The following STRBP variants were observed in gnomAD, a reference collection of about 807,000 sequenced individuals.
STRBP encodes spermatid perinuclear RNA binding protein, also known as spermatid perinuclear RNA-binding protein.
STRBP carries 13 observed loss-of-function variants against 80.1 expected under a neutral mutation model. That is an observed-to-expected ratio of 0.16 (90% CI 0.11 to 0.26). STRBP has a LOEUF of 0.26. Ranked by LOEUF, STRBP falls within the 10% of genes least tolerant of loss-of-function variation. STRBP has a pLI of 1.00. For synonymous variants in STRBP, 284 were observed against 291.2 expected (o/e 0.98, Z 0.25); for missense variants, 485 against 815.2 (o/e 0.59, Z 4.93).
intron 17 of STRBP, 125 bp downstream of exon 17, chr9:123,132,718 TTC>T: frequency 2.3e-6 from 3 of 1,314,606 alleles, no homozygotes; most frequent in South Asian, 1.6e-5. Flanking sequence ...ACTTTTAAAT[TTC>T]TGTGTACATT....
chr9:123,158,636 T>C (rs1486230020), intron 9 of STRBP, among the ~76,000 whole-genome samples: 3 of 152,312 alleles, frequency 2.0e-5, no homozygotes, highest in East Asian at 3.9e-4. Flanking sequence ...TATTTTATAC[T>C]GGAAGTCACT....
intron 11 of STRBP, among the ~76,000 whole-genome samples, chr9:123,151,743 A>G (rs2037066036): frequency 6.6e-6 from 1 of 152,188 alleles, no homozygotes; most frequent in Non-Finnish European, 1.5e-5. Context: ...TGAAAAATCA[A>G]TGATGTATTC....
At chr9:123,213,192 C>G (rs1384661484) in intron 2 of STRBP, among the ~76,000 whole-genome samples, 1 of 152,160 alleles carries the variant, frequency 6.6e-6, no homozygotes, top group African/African-American at 2.4e-5. Context: ...GGGAAGATTA[C>G]CCTTCCAACC....
At chr9:123,130,593 C>T (rs1354998866) in intron 17 of STRBP, among the ~76,000 whole-genome samples, 4 of 152,186 alleles carry the variant, frequency 2.6e-5, no homozygotes, top group Non-Finnish European at 5.9e-5. Flanking sequence ...AAAGATAGTT[C>T]ATCTCTATAA....
In STRBP at chr9:123,139,552, T is replaced by G. The variant is rs374650088; in HGVS notation, c.1474A>C (p.Thr492Pro). 6 of 1,611,668 alleles carry G rather than the reference T, an allele frequency of 3.7e-6. No individual in the cohort carries two copies. In the South Asian group the frequency reaches 6.6e-5, roughly 18 times the overall value. ...ACCTCTAAGGTACTGGAGGTTTCAGTTGTAGAATTTCCAGTATTATTGCTT... is the reference window on the plus strand; with the variant it reads ...ACCTCTAAGGTACTGGAGGTTTCAGGTGTAGAATTTCCAGTATTATTGCTT... The part of the protein sequence containing the change: ...NSSNNTGNST[T>P]ETSSTLEVRT... Residue 492 changes from threonine to proline, a missense_variant, in exon 14 of 19, where the codon ACT becomes CCT. Around this residue, in one of 3 missense-constraint regions of STRBP, gnomAD observed 377 missense variants for 616.1 expected, o/e 0.61. Coordinates refer to ENST00000348403, the MANE Select transcript of STRBP (RefSeq NM_018387.5).
chr9:123,236,609 A>AT lies in STRBP; in HGVS notation c.-165+220dup, dbSNP rs1441199632. On this transcript the variant is annotated intron_variant, in intron 2 of 18. Transcript: ENST00000348403. ...GTGATATTAGACACCCTAAGAAAGG[A>AT]TACAAGAGTAGTGACCACAGTAAAT... Among the ~76,000 whole-genome samples, 3 of 152,154 alleles carry AT rather than the reference A, an allele frequency of 2.0e-5. No individual in the cohort carries two copies. In the East Asian group the frequency reaches 5.8e-4, roughly 29 times the overall value.
intron 2 of STRBP, chr9:123,214,000 A>G (rs1238198803): frequency 6.6e-6 from 1 of 152,056 alleles, no homozygotes; most frequent in African/African-American, 2.4e-5. Flanking sequence ...ATCAACCCAG[A>G]GGAAAAGAAG....
At chr9:123,265,632 C>T (rs894431578) in intron 1 of STRBP, among the ~76,000 whole-genome samples, 1 of 152,152 alleles carries the variant, frequency 6.6e-6, no homozygotes, top group African/African-American at 2.4e-5. Flanking sequence ...TAACACAAGC[C>T]ACAGAACAGT....
intron 1 of STRBP, among the ~76,000 whole-genome samples, chr9:123,264,171 G>C (rs112159757): frequency 2.0e-5 from 3 of 152,286 alleles, no homozygotes; most frequent in African/African-American, 7.2e-5. Context: ...GAGCGCCACT[G>C]CATTCCCCAC....
intron 2 of STRBP, among the ~76,000 whole-genome samples, chr9:123,199,239 G>A (rs1245191268): frequency 6.6e-6 from 1 of 152,208 alleles, no homozygotes; most frequent in Non-Finnish European, 1.5e-5. Context: ...CAGCCTATGT[G>A]CCTACTTTTA....
In STRBP at chr9:123,262,939, C is replaced by G. The variant is rs186311853; in HGVS notation, c.-302+5497G>C. 4.6e-3 allele frequency among the ~76,000 whole-genome samples: 703 copies of G among 152,332 alleles called. 3 individuals carry two copies. Among genetic ancestry groups the G allele is most frequent in the South Asian group, 7.2e-3 (35 of 4,832 alleles). ...CCTAATTATCTACATCACCATTAAT[C>G]TGGCCTTATTTACTTTACTTCTATT... On this transcript the variant is annotated intron_variant, in intron 1 of 18. Transcript: ENST00000348403.
At chr9:123,156,734 G>T (rs1012839827) in intron 11 of STRBP, among the ~76,000 whole-genome samples, 5 of 150,188 alleles carry the variant, frequency 3.3e-5, no homozygotes, top group Non-Finnish European at 5.9e-5. Flanking sequence ...CTTTGATGTT[G>T]TAGACTCTCT....
chr9:123,125,115 G>A lies in STRBP; in HGVS notation c.*482C>T, dbSNP rs2035844435. The stretch of plus-strand genomic sequence containing the variant: ...TAAAGTTAAATGAAAAGTCTCTATT[G>A]TATTAAAAAAAATAACTACAGCCCA... On this transcript the variant is annotated 3_prime_UTR_variant, in exon 19 of 19. Transcript: ENST00000348403. The A allele has an allele frequency of 4.1e-6, 4 of 985,764 alleles. No homozygotes were observed. The highest frequency in any genetic ancestry group is 1.7e-5 in the African/African-American group (1 of 57,302). 61.1% of individuals were successfully genotyped at this position (985,764 alleles called of 1,614,324 possible).
In STRBP at chr9:123,233,786, G is replaced by A. The variant is rs1336971200; in HGVS notation, c.-165+3044C>T. Among the ~76,000 whole-genome samples, 5 of 152,182 alleles carry A rather than the reference G, an allele frequency of 3.3e-5. No homozygotes were observed. In the East Asian group the frequency reaches 9.6e-4, roughly 29 times the overall value. ...ATTTCACTGCCCTCTGCCATGAAATGGGAATTCAAAGAACTTTAATAATAG... is the reference window on the plus strand; with the variant it reads ...ATTTCACTGCCCTCTGCCATGAAATAGGAATTCAAAGAACTTTAATAATAG... On this transcript the variant is annotated intron_variant, in intron 2 of 18. Transcript: ENST00000348403.
intron 6 of STRBP, 115 bp from the exon 7 acceptor site, chr9:123,161,183 C>T: frequency 1.3e-6 from 1 of 784,762 alleles, no homozygotes; most frequent in Non-Finnish European, 2.0e-6. Context: ...ACTAATAAGA[C>T]TCCCAGAAAA....
rs745345289 is a variant in STRBP at position 123,128,178 on chromosome 9, C to T, written c.1942+36G>A. 12 of 1,612,126 alleles carry T rather than the reference C, an allele frequency of 7.4e-6. No homozygotes were observed. The East Asian group carries it at 8.9e-5, about 12-fold the overall frequency. ...CTGTGCTTTGGATTGCTGTGACAGT[C>T]GCTAAGAGGAGATATCAGTAAGATG... On this transcript the variant is annotated intron_variant, in intron 18 of 18. Transcript: ENST00000348403.
At chr9:123,218,292 A>G (rs1252923096) in intron 2 of STRBP, among the ~76,000 whole-genome samples, 1 of 152,132 alleles carries the variant, frequency 6.6e-6, no homozygotes, top group Non-Finnish European at 1.5e-5. Flanking sequence ...CATGTAATCA[A>G]AAACAATGCA....
chr9:123,260,883 G>C (rs187441327), intron 1 of STRBP, among the ~76,000 whole-genome samples: 324 of 152,194 alleles, frequency 2.1e-3, no homozygotes, highest in Non-Finnish European at 4.0e-3. Flanking sequence ...TAAAAATCCA[G>C]GTCCTTTTGA....
intron 2 of STRBP, among the ~76,000 whole-genome samples, chr9:123,234,420 A>G (rs575840422): frequency 6.6e-6 from 1 of 152,180 alleles, no homozygotes; most frequent in Non-Finnish European, 1.5e-5. Flanking sequence ...GACTGTTAAA[A>G]CTGGTCAAAA....
Sources: gnomAD v4.1 joint callset for allele counts (sites outside exome capture counted in the v4.1 genomes callset) on GRCh38, gnomAD v4.1.1 for gene constraint, gnomAD v4.1.1 regional missense constraint, MANE v1.5 for transcripts, NCBI Gene and HGNC (gene_info 2026-07-23, HGNC 2026-07-21) for gene names.